Variants in PDCD11 observed in about 807,000 individuals in gnomAD.
The protein encoded by PDCD11 is protein RRP5 homolog.
A neutral mutation model predicts 198.9 loss-of-function variants in PDCD11; 97 were observed. That is an observed-to-expected ratio of 0.49 (90% CI 0.41 to 0.58). The LOEUF (loss-of-function observed/expected upper bound fraction) is 0.58. PDCD11 is among the 20% of genes least tolerant of loss of function. PDCD11 has a pLI of 0.00. For synonymous variants in PDCD11, 893 were observed against 918.0 expected (o/e 0.97, Z 0.49); for missense variants, 2,102 against 2,312.7 (o/e 0.91, Z 1.87).
At chr10:103,427,843 G>A (rs2031764142) in intron 21 of PDCD11, among the ~76,000 whole-genome samples, 1 of 152,152 alleles carries the variant, frequency 6.6e-6, no homozygotes, top group Non-Finnish European at 1.5e-5. Flanking sequence ...TCTGTGGGGA[G>A]GAGAACGAGG....
At chr10:103,435,037 G>A (rs540177301) in intron 25 of PDCD11, 62 bp downstream of exon 25, 101 of 1,258,250 alleles carry the variant, frequency 8.0e-5, no homozygotes, top group Middle Eastern at 2.0e-4. Context: ...AAAAAAAAAC[G>A]TTGTTGTAAT....
chr10:103,414,795 C>T (rs1053519838), intron 11 of PDCD11, among the ~76,000 whole-genome samples: 4 of 152,206 alleles, frequency 2.6e-5, no homozygotes, highest in African/African-American at 9.7e-5. Flanking sequence ...CATGCTCACA[C>T]AGAAAGATGT....
rs772637975 is a variant in PDCD11, at chr10:103,409,718, C to G, written c.890C>G (p.Thr297Arg). The G allele has an allele frequency of 6.2e-7, 1 of 1,613,762 alleles. No homozygotes were observed. The highest frequency in any genetic ancestry group is 8.5e-7 in the Non-Finnish European group (1 of 1,179,714). The change falls in exon 8 of 36, where the codon ACG becomes AGG. Residue 297 changes from threonine (T) to arginine (R), a missense_variant. Coordinates refer to ENST00000369797, the MANE Select transcript of PDCD11 (RefSeq NM_014976.2). ...TTCTAGGTGACTCCATTTGGCCTTACGCTAAACTTCCTCACATTCTTCACG... is the reference window on the plus strand; with the variant it reads ...TTCTAGGTGACTCCATTTGGCCTTAGGCTAAACTTCCTCACATTCTTCACG... ...QVQKVTPFGL[T>R]LNFLTFFTGV...
chr10:103,423,463 G>A, intron 18 of PDCD11, 80 bp from the exon 19 acceptor site: 1 of 1,054,662 alleles, frequency 9.5e-7, no homozygotes, highest in Non-Finnish European at 1.5e-6. Flanking sequence ...GATCTAAGGG[G>A]TAGCAGCTAC....
At chr10:103,431,846 T>C (rs941566234) in intron 21 of PDCD11, among the ~76,000 whole-genome samples, 1 of 152,232 alleles carries the variant, frequency 6.6e-6, no homozygotes, top group Admixed American at 6.5e-5. Flanking sequence ...GCCAAAGTAT[T>C]ATGAAAGAAG....
chr10:103,443,176 AG>A lies in PDCD11; in HGVS notation c.4968del (p.Lys1657SerfsTer2). 1 of 1,592,712 alleles carries A rather than the reference AG, an allele frequency of 6.3e-7. No homozygotes were observed. The highest frequency in any genetic ancestry group is 8.6e-7 in the Non-Finnish European group (1 of 1,165,824). ...LKTISFREEQ[E>X]KLNVWVALLN... ...TGCTCTCCCTCCAGAGAGGAGCAGGAGAAGCTGAACGTGTGGGTGGCTCTGC... is the reference window on the plus strand; with the variant it reads ...TGCTCTCCCTCCAGAGAGGAGCAGGAAAGCTGAACGTGTGGGTGGCTCTGC... On this transcript the variant is annotated frameshift_variant, in exon 33 of 36. Coordinates refer to ENST00000369797, the MANE Select transcript of PDCD11 (RefSeq NM_014976.2). LOFTEE classifies it high-confidence loss of function.
At position 103,438,147 on chromosome 10, in the gene PDCD11, A is replaced by G; in HGVS notation, c.3902+76A>G. 2.3e-6 allele frequency: 3 copies of G among 1,295,076 alleles called. No homozygotes were observed. The South Asian group carries it at 3.6e-5, about 15-fold the overall frequency. 80.2% of individuals were successfully genotyped at this position (1,295,076 alleles called of 1,614,324 possible). ...CAAGGGGAGGCTACGTGTATCTGAC[A>G]CAGAATTTTGGGCTTCCCACCTTCT... On this transcript the variant is annotated intron_variant, in intron 26 of 35. Transcript: ENST00000369797.
intron 21 of PDCD11, among the ~76,000 whole-genome samples, chr10:103,429,528 CT>C (rs1218650706): frequency 2.0e-5 from 3 of 151,540 alleles, no homozygotes; most frequent in Non-Finnish European, 4.4e-5. Flanking sequence ...CTCTCCCTGG[CT>C]TACAGATGGC....
intron 8 of PDCD11, among the ~76,000 whole-genome samples, chr10:103,410,388 A>C (rs1401283659): frequency 2.6e-5 from 4 of 152,120 alleles, no homozygotes; most frequent in African/African-American, 9.7e-5. Flanking sequence ...TGGTGGTAGT[A>C]GTATTTTTGT....
chr10:103,432,074 C>A, intron 21 of PDCD11, 55 bp from the exon 22 acceptor site: 2 of 1,358,104 alleles, frequency 1.5e-6, no homozygotes, highest in Non-Finnish European at 2.1e-6. Flanking sequence ...TGGTTTCAAA[C>A]TGGAAGTCTT....
chr10:103,404,183 T>G (rs921223053), intron 4 of PDCD11, among the ~76,000 whole-genome samples: 1 of 151,924 alleles, frequency 6.6e-6, no homozygotes, highest in South Asian at 2.1e-4. Context: ...GAGACAGGGC[T>G]TCACCATGTT....
Position 103,441,873 on chromosome 10 carries a change from A to C in PDCD11, c.4605A>C (p.Ser1535=). 1 of 1,614,206 alleles carries C rather than the reference A, an allele frequency of 6.2e-7. No individual in the cohort carries two copies. Among genetic ancestry groups the C allele is most frequent in the Non-Finnish European group, 8.5e-7 (1 of 1,180,018 alleles). The change falls in exon 31 of 36, where the codon TCA becomes TCC. Residue 1535 remains serine (S), a synonymous_variant. Transcript: ENST00000369797. Reference sequence around the variant, plus strand: ...AAGCGCCCCGGCTGCAGCTGTCTTCAGGCTTCGCTTGGAATGTGGGACTAG... The same window carrying C: ...AAGCGCCCCGGCTGCAGCTGTCTTCCGGCTTCGCTTGGAATGTGGGACTAG... ...PAEAPRLQLS[S]GFAWNVGLDS... is the part of the protein sequence containing the mutation.
rs1415984668 is a variant in PDCD11 at position 103,445,541 on chromosome 10, G to A, written c.5608G>A (p.Glu1870Lys). ...EYVEAKSSVL[E>K]D is the part of the protein sequence containing the mutation. ...TGTGGAGGCCAAGAGCTCAGTGCTA[G>A]AGGACTAGTGGCAGGCTGGCTCTGT... The change falls in exon 36 of 36, where the codon GAG (glutamate) becomes AAG (lysine). Residue 1870 changes from glutamate (E) to lysine (K), a missense_variant. By Grantham distance (56) the Glu-to-Lys change is moderately conservative (BLOSUM62 1). Coordinates refer to ENST00000369797, the MANE Select transcript of PDCD11 (RefSeq NM_014976.2). 3 of 1,613,304 alleles carry A rather than the reference G, an allele frequency of 1.9e-6. No homozygotes were observed. The African/African-American group carries it at 4.0e-5, about 22-fold the overall frequency.
intron 31 of PDCD11, 61 bp from the exon 32 acceptor site, chr10:103,442,152 A>G: frequency 6.3e-7 from 1 of 1,596,928 alleles, no homozygotes; most frequent in Non-Finnish European, 8.5e-7. Context: ...GACTTCCACC[A>G]CAGACCTCCC....
chr10:103,437,915 C>T, intron 25 of PDCD11, 100 bp from the exon 26 acceptor site: 2 of 910,564 alleles, frequency 2.2e-6, no homozygotes, highest in South Asian at 2.8e-5. Flanking sequence ...TGTCTCCTCA[C>T]TCCTGCCTAT....
chr10:103,422,060 T>C (rs1185956223), intron 17 of PDCD11, among the ~76,000 whole-genome samples: 1 of 125,972 alleles, frequency 7.9e-6, no homozygotes, highest in African/African-American at 3.1e-5. Flanking sequence ...ACAATTTTAT[T>C]ATTATTATTA....
chr10:103,400,979 T>G (rs2030005226), intron 3 of PDCD11, among the ~76,000 whole-genome samples: 1 of 152,194 alleles, frequency 6.6e-6, no homozygotes, highest in Non-Finnish European at 1.5e-5. Context: ...GGTCTCGAAC[T>G]CCTGTGCTCA....
chr10:103,441,762 G>A, intron 30 of PDCD11, 64 bp from the exon 31 acceptor site: 4 of 1,504,674 alleles, frequency 2.7e-6, no homozygotes, highest in Non-Finnish European at 3.6e-6. Context: ...CAGGTGGGCT[G>A]GCACGGGGGA....
At chr10:103,435,766 G>A (rs1255822498) in intron 25 of PDCD11, among the ~76,000 whole-genome samples, 1 of 152,154 alleles carries the variant, frequency 6.6e-6, no homozygotes, top group Non-Finnish European at 1.5e-5. Flanking sequence ...GCCCATCCTG[G>A]CCTCCCAAAG....
Sources: gnomAD v4.1 joint callset for allele counts (sites outside exome capture counted in the v4.1 genomes callset) on GRCh38, gnomAD v4.1.1 for gene constraint, MANE v1.5 for transcripts, NCBI Gene and HGNC (gene_info 2026-07-23, HGNC 2026-07-21) for gene names.